SPSB1: variants seen among roughly 807,000 people sequenced by gnomAD.
The protein encoded by SPSB1 is splA/ryanodine receptor domain and SOCS box containing 1.
In SPSB1, 8 loss-of-function variants were observed where a neutral mutation model predicts 21.2. The ratio of observed to expected loss-of-function variants is 0.38; its 90% CI spans 0.22 to 0.68. The LOEUF (loss-of-function observed/expected upper bound fraction) is 0.68, where lower values mean the gene tolerates loss of function less well. Ranked by LOEUF, SPSB1 falls within the 30% of genes least tolerant of loss-of-function variation. The pLI is 0.53. For missense variants in SPSB1, 242 were observed against 377.8 expected, an observed-to-expected ratio of 0.64 and a Z score of 2.98; for synonymous variants, 169 against 161.7, an observed-to-expected ratio of 1.05 and a Z score of -0.34.
chr1:9,365,505 C>G (rs1224352475), intron 2 of SPSB1, among the ~76,000 whole-genome samples: 4 of 152,194 alleles, frequency 2.6e-5, no homozygotes, highest in African/African-American at 9.7e-5. Flanking sequence ...CTTTACTGAG[C>G]TATAATTCAC....
At chr1:9,332,510 A>G (rs1481651126) in intron 1 of SPSB1, among the ~76,000 whole-genome samples, 1 of 152,168 alleles carries the variant, frequency 6.6e-6, no homozygotes, top group African/African-American at 2.4e-5. Flanking sequence ...GAGCAGGGTC[A>G]CTGCTGGGGA....
At chr1:9,303,178 C>T (rs1295042470) in intron 1 of SPSB1, among the ~76,000 whole-genome samples, 2 of 152,238 alleles carry the variant, frequency 1.3e-5, no homozygotes, top group South Asian at 2.1e-4. Context: ...GTCTGGAGTA[C>T]AGGATACTCC....
In SPSB1 at chr1:9,293,968, G is replaced by A. The variant is rs1465314730; in HGVS notation, c.-150+897G>A. ...TCTAAGTGCATCTGTGTATTTATGTGCCTCTGAGTGTGTGTGTGAGTCTGT... is the reference window on the plus strand; with the variant it reads ...TCTAAGTGCATCTGTGTATTTATGTACCTCTGAGTGTGTGTGTGAGTCTGT... On this transcript the variant is annotated intron_variant, in intron 1 of 2. Coordinates refer to ENST00000328089, the MANE Select transcript of SPSB1 (RefSeq NM_025106.4). This position sits in a 1 kb window ranked among gnomAD's most constrained non-coding sequence, Gnocchi z 5.1. Among the ~76,000 whole-genome samples the A allele has an allele frequency of 6.6e-6, 1 of 151,916 alleles. No individual in the cohort carries two copies. The highest frequency in any genetic ancestry group is 1.9e-4 in the East Asian group (1 of 5,194).
chr1:9,312,629 C>T (rs564875015), intron 1 of SPSB1, among the ~76,000 whole-genome samples: 158 of 152,274 alleles, frequency 1.0e-3, no homozygotes, highest in African/African-American at 3.6e-3. Flanking sequence ...AGTCAGGTGC[C>T]AGCACGGAGT....
intron 1 of SPSB1, among the ~76,000 whole-genome samples, chr1:9,318,828 G>A (rs893370382): frequency 2.0e-4 from 31 of 152,312 alleles, no homozygotes; most frequent in African/African-American, 7.0e-4. Context: ...ACAGTCACAT[G>A]AGCTGGTGAT....
intron 1 of SPSB1, among the ~76,000 whole-genome samples, chr1:9,335,546 C>T (rs891175157): frequency 2.0e-5 from 3 of 151,034 alleles, no homozygotes; most frequent in Admixed American, 6.6e-5. Context: ...CAGTGGCTCA[C>T]GCCTGTAATC....
At chr1:9,357,322 T>A (rs1057337928) in intron 2 of SPSB1, among the ~76,000 whole-genome samples, 4 of 151,980 alleles carry the variant, frequency 2.6e-5, no homozygotes, top group African/African-American at 9.7e-5. Context: ...GATGGATGAG[T>A]GGATGGATAA....
At chr1:9,341,598 T>C (rs988446237) in intron 1 of SPSB1, among the ~76,000 whole-genome samples, 2 of 152,238 alleles carry the variant, frequency 1.3e-5, no homozygotes, top group African/African-American at 4.8e-5. Context: ...TGACATCTTG[T>C]CCATGTTGTT....
Position 9,345,023 on chromosome 1 carries a change from G to A in SPSB1, c.-149-10720G>A, listed in dbSNP as rs1640148981. Among the ~76,000 whole-genome samples, 1 of 152,198 alleles carries A rather than the reference G, an allele frequency of 6.6e-6. No homozygotes were observed. The highest frequency in any genetic ancestry group is 3.2e-3 in the Middle Eastern group (1 of 316). On this transcript the variant is annotated intron_variant, in intron 1 of 2. Coordinates refer to ENST00000328089, the MANE Select transcript of SPSB1 (RefSeq NM_025106.4). The surrounding 1 kb of genome is among the most constrained non-coding windows in gnomAD (Gnocchi z 4.8). ...TCCCCTATGTCCAAGAGACTGCCTTGTTGGGGGAAAGTGGCAGACTTTGGA... is the reference window on the plus strand; with the variant it reads ...TCCCCTATGTCCAAGAGACTGCCTTATTGGGGGAAAGTGGCAGACTTTGGA...
At chr1:9,352,047 C>T (rs1026964354) in intron 1 of SPSB1, among the ~76,000 whole-genome samples, 59 of 152,320 alleles carry the variant, frequency 3.9e-4, no homozygotes, top group African/African-American at 1.4e-3. Context: ...CCATCCCTCA[C>T]AGCCATGTGG....
chr1:9,314,172 T>G (rs1412470023), intron 1 of SPSB1, among the ~76,000 whole-genome samples: 1 of 96,250 alleles, frequency 1.0e-5, no homozygotes, highest in Non-Finnish European at 2.5e-5. Flanking sequence ...TGAGACTCTA[T>G]CTCAAAAAAA....
intron 2 of SPSB1, among the ~76,000 whole-genome samples, chr1:9,361,351 G>T (rs1640475148): frequency 6.6e-6 from 1 of 151,758 alleles, no homozygotes; most frequent in Admixed American, 6.6e-5. Context: ...TGCTGTCTCT[G>T]TCTTGGAGGT....
rs1368326838 is a variant in SPSB1 at position 9,317,874 on chromosome 1, C to T, written c.-150+24803C>T. ...TTTTTTTTGAGACCCTGCAGATTGG[C>T]GGGTCGCTTTGGTGGGAGTTTCTTG... On this transcript the variant is annotated intron_variant, in intron 1 of 2. Transcript: ENST00000328089. The surrounding 1 kb of genome is among the most constrained non-coding windows in gnomAD (Gnocchi z 4.3). 1.5e-5 allele frequency among the ~76,000 whole-genome samples: 2 copies of T among 136,550 alleles called. No individual in the cohort carries two copies. The highest frequency in any genetic ancestry group is 2.1e-4 in the East Asian group (1 of 4,686). 89.6% of individuals were successfully genotyped at this position (136,550 alleles called of 152,430 possible). A position where few individuals can be genotyped will look rare whatever the true frequency, so the allele number is the denominator to read the frequency against.
intron 1 of SPSB1, among the ~76,000 whole-genome samples, chr1:9,337,379 G>A (rs916950430): frequency 6.6e-6 from 1 of 152,112 alleles, no homozygotes; most frequent in Non-Finnish European, 1.5e-5. Context: ...GGGGAGGAGT[G>A]TGGCCAGGGC....
At chr1:9,320,379 T>A (rs1171282207) in intron 1 of SPSB1, among the ~76,000 whole-genome samples, 1 of 152,158 alleles carries the variant, frequency 6.6e-6, no homozygotes, top group East Asian at 1.9e-4. Context: ...GGACTTTGCC[T>A]CCTTTCACCT....
intron 1 of SPSB1, among the ~76,000 whole-genome samples, chr1:9,310,956 C>T (rs533309177): frequency 9.2e-5 from 14 of 152,232 alleles, no homozygotes; most frequent in African/African-American, 3.4e-4. Context: ...TCTAAAAACA[C>T]TTCGCCATCT....
Position 9,346,882 on chromosome 1 carries a change from C to T in SPSB1, c.-149-8861C>T, listed in dbSNP as rs761074806. Among the ~76,000 whole-genome samples, 1 of 152,218 alleles carries T rather than the reference C, an allele frequency of 6.6e-6. No homozygotes were observed. The highest frequency in any genetic ancestry group is 1.5e-5 in the Non-Finnish European group (1 of 68,052). ...TTCTGGGTCAGTAGAGAGAGACAGC[C>T]GCCCCATTTTTACGGGGCTAATTAA... On this transcript the variant is annotated intron_variant, in intron 1 of 2. Coordinates refer to ENST00000328089, the MANE Select transcript of SPSB1 (RefSeq NM_025106.4). The surrounding 1 kb of genome is among the most constrained non-coding windows in gnomAD (Gnocchi z 4.4).
chr1:9,339,400 CTCAGG>C (rs1278738826), intron 1 of SPSB1: 2 of 740,936 alleles, frequency 2.7e-6, no homozygotes, highest in Non-Finnish European at 3.3e-6. Flanking sequence ...ACCCAGGGTC[CTCAGG>C]TAATTCCGGG....
intron 1 of SPSB1, among the ~76,000 whole-genome samples, chr1:9,353,154 C>G (rs483823): frequency 2.0e-4 from 31 of 152,152 alleles, no homozygotes; most frequent in African/African-American, 5.8e-4. Flanking sequence ...TCTGCACCCC[C>G]GCTCCATGCA....
Sources: allele counts gnomAD v4.1 joint callset (sites outside exome capture counted in the v4.1 genomes callset), GRCh38; gene constraint gnomAD v4.1.1; non-coding constraint Gnocchi (gnomAD v3.1); transcripts MANE v1.5; gene names NCBI Gene and HGNC (gene_info 2026-07-23, HGNC 2026-07-21).